Variants in PCLO observed in about 807,000 individuals in gnomAD.
The protein encoded by PCLO is piccolo presynaptic cytomatrix protein, also known as protein piccolo.
A neutral mutation model predicts 427.5 loss-of-function variants in PCLO; 82 were observed. The observed-to-expected ratio is 0.19, with a 90% confidence interval of 0.16 to 0.23. PCLO has a LOEUF of 0.23. Ranked by LOEUF, PCLO falls within the 10% of genes least tolerant of loss-of-function variation. The pLI, the probability that PCLO is intolerant of heterozygous loss-of-function variation, is 1.00. For synonymous variants in PCLO, 2,357 were observed against 2,155.4 expected (o/e 1.09, Z -2.59); for missense variants, 6,239 against 6,115.9 (o/e 1.02, Z -0.67).
At chr7:82,827,217 G>A (rs1014548036) in intron 17 of PCLO, among the ~76,000 whole-genome samples, 1 of 151,944 alleles carries the variant, frequency 6.6e-6, no homozygotes, top group African/African-American at 2.4e-5. Context: ...GGTTTATGTG[G>A]GAACTGTCTT....
intron 22 of PCLO, among the ~76,000 whole-genome samples, chr7:82,764,632 G>A (rs948764778): frequency 4.0e-5 from 6 of 151,880 alleles, no homozygotes; most frequent in Admixed American, 1.3e-4. Context: ...ATCAATAAGA[G>A]TGCAGAGGTT....
chr7:83,061,116 G>GC (rs1279572676), intron 3 of PCLO, among the ~76,000 whole-genome samples: 3 of 152,140 alleles, frequency 2.0e-5, no homozygotes, highest in African/African-American at 7.2e-5. Flanking sequence ...GTTTCTGGTG[G>GC]CCAAAAGTTT....
chr7:83,006,305 G>A (rs1787944281), intron 3 of PCLO, among the ~76,000 whole-genome samples: 1 of 151,526 alleles, frequency 6.6e-6, no homozygotes, highest in South Asian at 2.1e-4. Flanking sequence ...AGAATTACAT[G>A]TTTAAAAACT....
chr7:83,025,014 C>A (rs1324301476), intron 3 of PCLO, among the ~76,000 whole-genome samples: 2 of 152,124 alleles, frequency 1.3e-5, no homozygotes, highest in African/African-American at 4.8e-5. Context: ...AAAAACAGAA[C>A]AGAAAAACTG....
At chr7:83,109,569 T>C (rs965154848) in intron 3 of PCLO, among the ~76,000 whole-genome samples, 1 of 152,186 alleles carries the variant, frequency 6.6e-6, no homozygotes, top group African/African-American at 2.4e-5. Context: ...GTTTTCTGAA[T>C]TATGTTTTAG....
At chr7:82,865,607 C>A (rs1381609613) in intron 10 of PCLO, among the ~76,000 whole-genome samples, 1 of 151,592 alleles carries the variant, frequency 6.6e-6, no homozygotes, top group Non-Finnish European at 1.5e-5. Context: ...GACTTAGATA[C>A]AAAATACTCT....
At chr7:82,908,288 T>C (rs1006441463) in intron 8 of PCLO, among the ~76,000 whole-genome samples, 1 of 152,084 alleles carries the variant, frequency 6.6e-6, no homozygotes, top group Admixed American at 6.6e-5. Context: ...AATTCTGAAA[T>C]TTACCTCTAA....
chr7:82,789,910 CT>C (rs2129468374), intron 22 of PCLO, among the ~76,000 whole-genome samples: 1 of 152,258 alleles, frequency 6.6e-6, no homozygotes, highest in Admixed American at 6.5e-5. Flanking sequence ...GTTAACATTT[CT>C]TTTCTGTTTA....
intron 6 of PCLO, among the ~76,000 whole-genome samples, chr7:82,919,918 A>G (rs1407212872): frequency 1.3e-5 from 2 of 151,968 alleles, no homozygotes; most frequent in African/African-American, 4.8e-5. Flanking sequence ...AGAGGATCTG[A>G]ACTATAGAAC....
chr7:83,094,210 C>CTTTTT lies in PCLO; in HGVS notation c.3300+40035_3300+40039dup, dbSNP rs767490139. Among the ~76,000 whole-genome samples, 75 of 125,990 alleles carry CTTTTT rather than the reference C, an allele frequency of 6.0e-4. 2 individuals are homozygous for CTTTTT. Among genetic ancestry groups the CTTTTT allele is most frequent in the African/African-American group, 1.3e-3 (42 of 32,620 alleles). The allele number at this position is 125,990 out of a possible 152,430, so 82.7% of individuals were successfully genotyped here. On this transcript the variant is annotated intron_variant, in intron 3 of 24. Transcript: ENST00000333891. ...AACCTTTTGGGACTGATTTTTTTTT[C>CTTTTT]TTTTTTTTTTTTTTTTTGAGACAGA...
At chr7:82,770,013 GTC>G (rs1308073458) in intron 22 of PCLO, among the ~76,000 whole-genome samples, 1 of 152,092 alleles carries the variant, frequency 6.6e-6, no homozygotes, top group African/African-American at 2.4e-5. Flanking sequence ...ATTATGGAAA[GTC>G]TTATTAATGC....
chr7:82,965,013 G>A (rs1305700349), intron 4 of PCLO, among the ~76,000 whole-genome samples: 1 of 152,074 alleles, frequency 6.6e-6, no homozygotes, highest in Non-Finnish European at 1.5e-5. Flanking sequence ...TATAATGTAA[G>A]ATCTCTTACA....
In PCLO at chr7:82,915,085, G is replaced by C; in HGVS notation, c.12901C>G (p.Leu4301Val). Reference protein sequence around the residue: ...PSSRPSSVYGLDLSIKRDSSS... With the variant: ...PSSRPSSVYGVDLSIKRDSSS... ...GAATCCCTTTTAATTGATAAATCAA[G>C]CCCATAGACAGAGGAAGGTCTGGAG... Residue 4301 changes from leucine (L) to valine (V), a missense_variant, in exon 7 of 25, where the codon CTT (leucine) becomes GTT (valine). By Grantham distance (32) the Leu-to-Val change is conservative (BLOSUM62 1). Transcript: ENST00000333891. 6.2e-7 allele frequency: 1 copy of C among 1,604,800 alleles called. No homozygotes were observed. The highest frequency in any genetic ancestry group is 8.5e-7 in the Non-Finnish European group (1 of 1,175,068).
chr7:83,070,441 G>A (rs570157438), intron 3 of PCLO, among the ~76,000 whole-genome samples: 1 of 148,836 alleles, frequency 6.7e-6, no homozygotes, highest in South Asian at 2.1e-4. Flanking sequence ...AGGCTAGAGT[G>A]CAGTGGCGTG....
chr7:82,887,477 C>T (rs778586857), intron 9 of PCLO, among the ~76,000 whole-genome samples: 2 of 152,080 alleles, frequency 1.3e-5, no homozygotes, highest in Admixed American at 6.6e-5. Flanking sequence ...TTGTGAATGT[C>T]TTCACTCTCA....
rs142999997 is a variant in PCLO, at chr7:83,114,193, C to G, written c.3300+20057G>C. 7.2e-4 allele frequency among the ~76,000 whole-genome samples: 110 copies of G among 152,238 alleles called. 2 individuals are homozygous for G. In the East Asian group the frequency reaches 0.021, roughly 29 times the overall value. Reference sequence around the variant, plus strand: ...ACATGTATTGATTACCTACCATGTGCAGGCATTTTGATAGTCCTGAGGAGA... The same window carrying G: ...ACATGTATTGATTACCTACCATGTGGAGGCATTTTGATAGTCCTGAGGAGA... On this transcript the variant is annotated intron_variant, in intron 3 of 24. Transcript: ENST00000333891.
chr7:82,907,440 C>T (rs1375166648), intron 8 of PCLO, among the ~76,000 whole-genome samples: 2 of 151,924 alleles, frequency 1.3e-5, no homozygotes, highest in African/African-American at 4.8e-5. Flanking sequence ...TTTTAACTGA[C>T]ATTTATTATC....
Position 82,955,125 on chromosome 7 carries a change from T to C in PCLO, c.5828A>G (p.Lys1943Arg), listed in dbSNP as rs1795476823. ...AANERDEVFE[K>R]EPLYGGMLIE... The stretch of plus-strand genomic sequence containing the variant: ...TAGCATCCCACCATACAAAGGCTCT[T>C]TTTCAAACACTTCATCTCGTTCATT... Residue 1943 changes from lysine to arginine, a missense_variant, in exon 5 of 25, where the codon AAA (lysine) becomes AGA (arginine). This residue lies in a region of PCLO where 4,677 missense variants were observed against 4,468.4 expected (regional missense o/e 1.05). Transcript: ENST00000333891. The C allele has an allele frequency of 1.2e-5, 19 of 1,613,804 alleles. No individual in the cohort carries two copies. Among genetic ancestry groups the C allele is most frequent in the Non-Finnish European group, 1.6e-5 (19 of 1,179,858 alleles).
intron 3 of PCLO, among the ~76,000 whole-genome samples, chr7:83,128,238 A>G (rs941516864): frequency 6.6e-6 from 1 of 152,110 alleles, no homozygotes; most frequent in East Asian, 1.9e-4. Context: ...TGGCTTGTGC[A>G]AAAGATAAGG....
Sources: gnomAD v4.1 joint callset for allele counts (sites outside exome capture counted in the v4.1 genomes callset) on GRCh38, gnomAD v4.1.1 for gene constraint, gnomAD v4.1.1 regional missense constraint, MANE v1.5 for transcripts, NCBI Gene and HGNC (gene_info 2026-07-23, HGNC 2026-07-21) for gene names.